Variants in RGS7BP observed in about 807,000 individuals in gnomAD.
The protein encoded by RGS7BP is regulator of G protein signaling 7 binding protein.
RGS7BP carries 9 observed loss-of-function variants against 31.3 expected under a neutral mutation model. The ratio of observed to expected loss-of-function variants is 0.29; its 90% CI spans 0.17 to 0.50. The LOEUF (loss-of-function observed/expected upper bound fraction) is 0.50, where lower values mean the gene tolerates loss of function less well. RGS7BP is among the 20% of genes least tolerant of loss of function. The pLI, the probability that RGS7BP is intolerant of heterozygous loss-of-function variation, is 0.98. For missense variants in RGS7BP, 274 were observed against 322.0 expected (o/e 0.85, Z 1.14); for synonymous variants, 115 against 120.1 (o/e 0.96, Z 0.28).
chr5:64,560,944 T>G (rs1445666941), intron 2 of RGS7BP, among the ~76,000 whole-genome samples: 3 of 152,150 alleles, frequency 2.0e-5, no homozygotes, highest in Non-Finnish European at 4.4e-5. Flanking sequence ...CTTAATGCAT[T>G]CATTTTTGTG....
rs144478212 is a variant in RGS7BP at position 64,563,311 on chromosome 5, T to C, written c.333-12463T>C. ...CTTTTTCAAATAGCAATGTTATGAA[T>C]TGAATTGTATGTCCCCCAAATTCAT... On this transcript the variant is annotated intron_variant, in intron 2 of 5. Transcript: ENST00000334025. Among the ~76,000 whole-genome samples, 348 of 152,220 alleles carry C rather than the reference T, an allele frequency of 2.3e-3. 5 individuals are homozygous for C. The highest frequency in any genetic ancestry group is 7.3e-3 in the African/African-American group (303 of 41,552).
chr5:64,601,536 C>A, intron 5 of RGS7BP: 1 of 604,632 alleles, frequency 1.7e-6, no homozygotes, highest in Non-Finnish European at 2.1e-6. Context: ...CCCGTCCATC[C>A]AGTTTAAGAC....
intron 2 of RGS7BP, among the ~76,000 whole-genome samples, chr5:64,560,179 G>A (rs1742019286): frequency 6.6e-6 from 1 of 152,052 alleles, no homozygotes; most frequent in Non-Finnish European, 1.5e-5. Context: ...TCTATATCTA[G>A]CATTTAAAAA....
chr5:64,597,528 A>T (rs1743104846), intron 4 of RGS7BP, among the ~76,000 whole-genome samples: 1 of 151,744 alleles, frequency 6.6e-6, no homozygotes. Flanking sequence ...CAATGTAATA[A>T]GTGTTGGTCC....
chr5:64,525,054 G>T (rs1749197387), intron 2 of RGS7BP, among the ~76,000 whole-genome samples: 2 of 151,994 alleles, frequency 1.3e-5, no homozygotes, highest in South Asian at 2.1e-4. Flanking sequence ...TCTCATCAAG[G>T]TTTGAGTTTA....
intron 2 of RGS7BP, among the ~76,000 whole-genome samples, chr5:64,553,455 A>G (rs1222994696): frequency 6.6e-6 from 1 of 151,984 alleles, no homozygotes; most frequent in Non-Finnish European, 1.5e-5. Context: ...TACAAGCGTG[A>G]GACACCATGC....
At chr5:64,590,593 A>G (rs937168908) in intron 3 of RGS7BP, among the ~76,000 whole-genome samples, 1 of 152,198 alleles carries the variant, frequency 6.6e-6, no homozygotes, top group African/African-American at 2.4e-5. Context: ...TACTTAAAAA[A>G]TAATCAATGA....
intron 2 of RGS7BP, among the ~76,000 whole-genome samples, chr5:64,557,782 T>A (rs543417140): frequency 3.3e-5 from 5 of 152,228 alleles, no homozygotes; most frequent in Non-Finnish European, 7.4e-5. Flanking sequence ...ATCTCACCAT[T>A]TGGGACTCTT....
intron 2 of RGS7BP, among the ~76,000 whole-genome samples, chr5:64,555,313 T>C (rs920173437): frequency 1.3e-5 from 2 of 152,180 alleles, no homozygotes; most frequent in Admixed American, 6.6e-5. Flanking sequence ...GCTGTTTTCT[T>C]ATGAACTAAA....
chr5:64,601,303 C>T (rs778082148), intron 5 of RGS7BP: 32 of 193,362 alleles, frequency 1.7e-4, no homozygotes, highest in Non-Finnish European at 2.6e-4. Context: ...CGACTGAGTC[C>T]GCTATTCTCC....
intron 2 of RGS7BP, among the ~76,000 whole-genome samples, chr5:64,529,864 C>T (rs1415278055): frequency 6.6e-6 from 1 of 152,170 alleles, no homozygotes; most frequent in African/African-American, 2.4e-5. Context: ...TAGTTGTGTT[C>T]CTGCATCACA....
At chr5:64,568,310 C>A (rs1156401579) in intron 2 of RGS7BP, among the ~76,000 whole-genome samples, 5 of 151,724 alleles carry the variant, frequency 3.3e-5, no homozygotes, top group African/African-American at 1.2e-4. Context: ...AAGACTAAGA[C>A]CTAAAGAGCT....
Position 64,609,555 on chromosome 5 carries a change from T to C in RGS7BP, c.*303T>C, listed in dbSNP as rs1435112578. ...TGCAAGAATTATGATTTTTAAATTA[T>C]TTAAAGGTTTTTTAAATGTATTATA... On this transcript the variant is annotated 3_prime_UTR_variant, in exon 6 of 6. Coordinates refer to ENST00000334025, the MANE Select transcript of RGS7BP (RefSeq NM_001029875.3). 3.3e-6 allele frequency: 1 copy of C among 298,976 alleles called. No individual in the cohort carries two copies. The highest frequency in any genetic ancestry group is 4.4e-5 in the Admixed American group (1 of 22,850). 18.5% of individuals were successfully genotyped at this position (298,976 alleles called of 1,614,324 possible).
At chr5:64,589,900 G>A (rs1038672046) in intron 3 of RGS7BP, among the ~76,000 whole-genome samples, 2 of 149,792 alleles carry the variant, frequency 1.3e-5, no homozygotes, top group African/African-American at 4.9e-5. Flanking sequence ...ACTCTAGCCT[G>A]GGCAACAGAG....
intron 2 of RGS7BP, among the ~76,000 whole-genome samples, 179 bp downstream of exon 2, chr5:64,508,056 T>A (rs1057456153): frequency 7.2e-5 from 11 of 152,342 alleles, no homozygotes; most frequent in Middle Eastern, 3.4e-3. Flanking sequence ...GAAGGCTGTG[T>A]CATTCTTGCA....
intron 2 of RGS7BP, among the ~76,000 whole-genome samples, chr5:64,512,595 T>C (rs985297487): frequency 4.2e-4 from 64 of 152,224 alleles, no homozygotes; most frequent in African/African-American, 1.5e-3. Context: ...CGCAAGCATA[T>C]AGTAAATGCT....
At chr5:64,599,507 G>A (rs1743165318) in intron 5 of RGS7BP, among the ~76,000 whole-genome samples, 2 of 152,176 alleles carry the variant, frequency 1.3e-5, no homozygotes, top group South Asian at 4.1e-4. Context: ...TGAAGAGGCT[G>A]AGGAGTAGTG....
intron 2 of RGS7BP, among the ~76,000 whole-genome samples, chr5:64,544,142 T>C (rs1052333003): frequency 2.0e-5 from 3 of 152,308 alleles, no homozygotes; most frequent in East Asian, 1.9e-4. Flanking sequence ...ACTGAGCCAA[T>C]GTGTCAGGCA....
At chr5:64,606,107 A>G (rs1028514222) in intron 5 of RGS7BP, among the ~76,000 whole-genome samples, 12 of 150,946 alleles carry the variant, frequency 7.9e-5, no homozygotes, top group African/African-American at 2.9e-4. Context: ...TGTGCTATTG[A>G]AAGGTTTTTA....
Sources: allele counts gnomAD v4.1 joint callset (sites outside exome capture counted in the v4.1 genomes callset), GRCh38; gene constraint gnomAD v4.1.1; transcripts MANE v1.5; gene names NCBI Gene and HGNC (gene_info 2026-07-23, HGNC 2026-07-21).